Variants in ADAM12 observed in about 807,000 individuals in gnomAD.
The protein encoded by ADAM12 is disintegrin and metalloproteinase domain-containing protein 12.
In ADAM12, 70 loss-of-function variants were observed where a neutral mutation model predicts 106.4. The observed-to-expected ratio is 0.66, with a 90% CI of 0.54 to 0.80. ADAM12 has a LOEUF of 0.80. ADAM12 is among the 30% of genes least tolerant of loss of function. The pLI is 0.00. For synonymous variants in ADAM12, 420 were observed against 433.5 expected (o/e 0.97, Z 0.39); for missense variants, 1,010 against 1,171.9 (o/e 0.86, Z 2.02).
intron 1 of ADAM12, among the ~76,000 whole-genome samples, chr10:126,374,874 C>T (rs1406523391): frequency 2.6e-5 from 4 of 151,950 alleles, no homozygotes; most frequent in Non-Finnish European, 5.9e-5. Context: ...AATATAAAAC[C>T]ATATAAAAAC....
intron 2 of ADAM12, among the ~76,000 whole-genome samples, chr10:126,308,381 G>A (rs1960940746): frequency 6.6e-6 from 1 of 152,184 alleles, no homozygotes; most frequent in African/African-American, 2.4e-5. Flanking sequence ...GCAGATTGTG[G>A]AAGATTTCAC....
Position 126,277,452 on chromosome 10 carries a change from G to A in ADAM12, c.260+1463C>T, listed in dbSNP as rs563880416. On this transcript the variant is annotated intron_variant, in intron 3 of 22. Transcript: ENST00000448723. ...AGCTGCCCACCACAACAACCCCATC[G>A]AGAAAATGCATCACCACCAGCAGCC... 2.8e-3 allele frequency among the ~76,000 whole-genome samples: 431 copies of A among 152,108 alleles called. 3 individuals carry two copies. Among genetic ancestry groups the A allele is most frequent in the Non-Finnish European group, 5.5e-3 (373 of 68,002 alleles).
chr10:126,252,300 A>G (rs892633244), intron 3 of ADAM12, among the ~76,000 whole-genome samples: 5 of 151,934 alleles, frequency 3.3e-5, no homozygotes, highest in African/African-American at 1.2e-4. Flanking sequence ...GATGGAATGG[A>G]TGGGATGGAT....
At chr10:126,352,764 C>T (rs976589211) in intron 1 of ADAM12, among the ~76,000 whole-genome samples, 11 of 152,298 alleles carry the variant, frequency 7.2e-5, no homozygotes, top group Non-Finnish European at 1.3e-4. Flanking sequence ...GGGAAGTGAG[C>T]CTTGGAGGCT....
intron 3 of ADAM12, among the ~76,000 whole-genome samples, chr10:126,213,133 C>A (rs372066719): frequency 6.6e-6 from 1 of 152,102 alleles, no homozygotes; most frequent in Non-Finnish European, 1.5e-5. Flanking sequence ...TCAATAAATA[C>A]CTGTAGAAGG....
chr10:126,206,666 A>G (rs1464670051), intron 3 of ADAM12, among the ~76,000 whole-genome samples: 1 of 152,222 alleles, frequency 6.6e-6, no homozygotes, highest in Admixed American at 6.5e-5. Context: ...GGCAAGTACC[A>G]ACATTTCAAG....
At chr10:126,100,933 G>T in intron 9 of ADAM12, 139 bp downstream of exon 9, 1 of 843,372 alleles carries the variant, frequency 1.2e-6, no homozygotes, top group Non-Finnish European at 1.8e-6. Flanking sequence ...TGCCCCCCTG[G>T]TGTGAGCTGA....
At chr10:126,309,240 A>G (rs1590761255) in intron 2 of ADAM12, among the ~76,000 whole-genome samples, 2 of 152,282 alleles carry the variant, frequency 1.3e-5, no homozygotes, top group East Asian at 3.9e-4. Flanking sequence ...GAGGAAGACA[A>G]TGTTTGCAGC....
At chr10:126,254,124 T>G (rs1958841412) in intron 3 of ADAM12, among the ~76,000 whole-genome samples, 1 of 152,284 alleles carries the variant, frequency 6.6e-6, no homozygotes, top group Middle Eastern at 3.4e-3. Context: ...TTCCTTTCCC[T>G]TGGGAGGCTC....
chr10:126,088,788 T>G (rs531540995), intron 11 of ADAM12, among the ~76,000 whole-genome samples: 3 of 151,592 alleles, frequency 2.0e-5, no homozygotes, highest in African/African-American at 4.8e-5. Context: ...CATCTGTTTG[T>G]GTTCCGTGTC....
intron 3 of ADAM12, among the ~76,000 whole-genome samples, chr10:126,191,783 T>C (rs985089677): frequency 6.6e-6 from 1 of 152,232 alleles, no homozygotes; most frequent in African/African-American, 2.4e-5. Flanking sequence ...ACTAGCTCTA[T>C]TAGTCCACTC....
In ADAM12 at chr10:126,066,022, G is replaced by A. The variant is rs1954860632; in HGVS notation, c.1413+695C>T. Among the ~76,000 whole-genome samples, 1 of 152,132 alleles carries A rather than the reference G, an allele frequency of 6.6e-6. No individual in the cohort carries two copies. Among genetic ancestry groups the A allele is most frequent in the African/African-American group, 2.4e-5 (1 of 41,416 alleles). On this transcript the variant is annotated intron_variant, in intron 13 of 22. Transcript: ENST00000448723. The surrounding 1 kb of genome is among the most constrained non-coding windows in gnomAD (Gnocchi z 5.1). The stretch of plus-strand genomic sequence containing the variant: ...CTTCTAAATCACCGTGCTCACGTGG[G>A]GCAGCTAAGAGGGAGTTTCCTGCAA...
At chr10:126,187,303 C>A (rs1187916085) in intron 3 of ADAM12, among the ~76,000 whole-genome samples, 1 of 148,890 alleles carries the variant, frequency 6.7e-6, no homozygotes, top group Non-Finnish European at 1.5e-5. Flanking sequence ...TTTAAGTTCT[C>A]CCCAACTGTG....
chr10:126,321,890 T>C (rs940391040), intron 2 of ADAM12, among the ~76,000 whole-genome samples: 2 of 126,198 alleles, frequency 1.6e-5, no homozygotes, highest in East Asian at 2.6e-4. Context: ...CTCGCTTAAC[T>C]TTCTACCTGG....
chr10:126,372,806 A>G (rs1347079046), intron 1 of ADAM12, among the ~76,000 whole-genome samples: 1 of 152,198 alleles, frequency 6.6e-6, no homozygotes, highest in Non-Finnish European at 1.5e-5. Context: ...CTTAGTCTTC[A>G]GCAGCACTGA....
At chr10:126,350,588 C>T (rs907890300) in intron 1 of ADAM12, among the ~76,000 whole-genome samples, 5 of 152,250 alleles carry the variant, frequency 3.3e-5, no homozygotes, top group African/African-American at 4.8e-5. Flanking sequence ...GAGCATTTTC[C>T]GCAGTGACCT....
Position 126,336,453 on chromosome 10 carries a change from G to A in ADAM12, c.89-5944C>T, listed in dbSNP as rs557553513. 1.2e-4 allele frequency among the ~76,000 whole-genome samples: 18 copies of A among 152,220 alleles called. 1 individual carries two copies. The highest frequency in any genetic ancestry group is 3.9e-4 in the African/African-American group (16 of 41,520). ...TTCTGACATTGCTATTTACTCAGACGGAAGATGCAGTACCTGCAGGCAAGC... is the reference window on the plus strand; with the variant it reads ...TTCTGACATTGCTATTTACTCAGACAGAAGATGCAGTACCTGCAGGCAAGC... On this transcript the variant is annotated intron_variant, in intron 1 of 22. Coordinates refer to ENST00000448723, the MANE Select transcript of ADAM12 (RefSeq NM_001288973.2).
At chr10:126,246,377 C>T (rs1006301113) in intron 3 of ADAM12, among the ~76,000 whole-genome samples, 11 of 152,064 alleles carry the variant, frequency 7.2e-5, no homozygotes, top group Non-Finnish European at 8.8e-5. Context: ...AGGTAAACTG[C>T]GAATATCCAG....
In ADAM12 at chr10:126,202,386, T is replaced by C. The variant is rs565157631; in HGVS notation, c.261-47081A>G. Reference sequence around the variant, plus strand: ...AAGTTCACTGAACTGTAATTTTGTATAAATTTAATGACTATCCAATGACAT... The same window carrying C: ...AAGTTCACTGAACTGTAATTTTGTACAAATTTAATGACTATCCAATGACAT... On this transcript the variant is annotated intron_variant, in intron 3 of 22. Coordinates refer to ENST00000448723, the MANE Select transcript of ADAM12 (RefSeq NM_001288973.2). 2.6e-5 allele frequency among the ~76,000 whole-genome samples: 4 copies of C among 152,370 alleles called. No individual in the cohort carries two copies. In the South Asian group the frequency reaches 8.3e-4, roughly 32 times the overall value.
Sources: gnomAD v4.1 joint callset for allele counts (sites outside exome capture counted in the v4.1 genomes callset) on GRCh38, gnomAD v4.1.1 for gene constraint, Gnocchi (gnomAD v3.1) non-coding constraint, MANE v1.5 for transcripts, NCBI Gene and HGNC (gene_info 2026-07-23, HGNC 2026-07-21) for gene names.